ARAP2: variants seen among roughly 807,000 people sequenced by gnomAD.
ARAP2 encodes arf-GAP with Rho-GAP domain, ANK repeat and PH domain-containing protein 2.
Under a neutral mutation model 194.5 loss-of-function variants are expected in ARAP2, and 148 were observed. That is an observed-to-expected ratio of 0.76 (90% CI 0.67 to 0.87). The LOEUF is 0.87. ARAP2 is among the 40% of genes least tolerant of loss of function. The pLI is 0.00. For missense variants in ARAP2, 2,128 were observed against 1,989.7 expected (o/e 1.07, Z -1.32); for synonymous variants, 695 against 683.5 (o/e 1.02, Z -0.26).
chr4:36,100,719 T>A (rs1716646476), intron 27 of ARAP2, among the ~76,000 whole-genome samples: 1 of 152,076 alleles, frequency 6.6e-6, no homozygotes, highest in South Asian at 2.1e-4. Flanking sequence ...AAACTGGGCA[T>A]AATCACTGCT....
chr4:36,059,173 T>C (rs759032687), intron 1 of ARAP2, among the ~76,000 whole-genome samples: 9 of 152,208 alleles, frequency 5.9e-5, no homozygotes, highest in Non-Finnish European at 1.5e-5. Flanking sequence ...ATATTTTAAA[T>C]ATGTATATTC....
chr4:36,241,890 C>A (rs967082653), intron 1 of ARAP2, among the ~76,000 whole-genome samples: 1 of 152,140 alleles, frequency 6.6e-6, no homozygotes, highest in African/African-American at 2.4e-5. Flanking sequence ...TGCTTCAACC[C>A]AAATCAGGCC....
At position 36,229,516 on chromosome 4, in the gene ARAP2, C is replaced by A. The variant is rs1163239655; in HGVS notation, c.-30G>T. Reference sequence around the variant, plus strand: ...GTGGCTTCATTACTAAGCTGAGTTACAAAAAGTGGCACGATGAGACACACA... The same window carrying A: ...GTGGCTTCATTACTAAGCTGAGTTAAAAAAAGTGGCACGATGAGACACACA... On this transcript the variant is annotated 5_prime_UTR_variant, in exon 2 of 33. Transcript: ENST00000303965. 6.5e-7 allele frequency: 1 copy of A among 1,538,556 alleles called. No individual in the cohort carries two copies. The highest frequency in any genetic ancestry group is 8.8e-7 in the Non-Finnish European group (1 of 1,135,664).
At position 36,164,924 on chromosome 4, in the gene ARAP2, C is replaced by T. The variant is rs748371870; in HGVS notation, c.2163G>A (p.Lys721=). 4 of 1,613,912 alleles carry T rather than the reference C, an allele frequency of 2.5e-6. No homozygotes were observed. Among genetic ancestry groups the T allele is most frequent in the African/African-American group, 2.7e-5 (2 of 74,940 alleles). The change falls in exon 11 of 33, where the codon AAG becomes AAA. Residue 721 remains lysine (K), a synonymous_variant. Coordinates refer to ENST00000303965, the MANE Select transcript of ARAP2 (RefSeq NM_015230.4). ...CTTGTCACTAATTACCTGCACACTTCTTACAGATGACAACACAGAGATTGA... is the reference window on the plus strand; with the variant it reads ...CTTGTCACTAATTACCTGCACACTTTTTACAGATGACAACACAGAGATTGA... ...ASINLCVVIC[K]KCAGQHRSLG...
chr4:36,068,139 C>T lies in ARAP2; in HGVS notation c.4883G>A (p.Arg1628Gln), dbSNP rs771641324. The T allele has an allele frequency of 2.0e-5, 33 of 1,614,112 alleles. No individual in the cohort carries two copies. Among genetic ancestry groups the T allele is most frequent in the Admixed American group, 5.0e-5 (3 of 60,008 alleles). The change falls in exon 33 of 33, where the codon CGA (arginine) becomes CAA (glutamine). Residue 1628 changes from arginine (R) to glutamine (Q), a missense_variant. By Grantham distance (43) the Arg-to-Gln change is conservative. Coordinates refer to ENST00000303965, the MANE Select transcript of ARAP2 (RefSeq NM_015230.4). ...HKDDKLRNRP[R>Q]KHRSFNCLED... ...CAGGCAGTTGAAACTCCGATGTTTT[C>T]GGGGTCGATTTCGAAGTTTATCGTC...
At chr4:36,111,851 C>T (rs1033442656) in intron 26 of ARAP2, among the ~76,000 whole-genome samples, 1 of 151,956 alleles carries the variant, frequency 6.6e-6, no homozygotes, top group African/African-American at 2.4e-5. Context: ...GCCAGAGATA[C>T]AGAGCTCCAG....
intron 9 of ARAP2, among the ~76,000 whole-genome samples, chr4:36,010,219 GTA>G (rs1268114512): frequency 2.0e-5 from 3 of 150,314 alleles, no homozygotes; most frequent in African/African-American, 7.3e-5. Flanking sequence ...TTTATATATT[GTA>G]TATGATATAT....
intron 9 of ARAP2, among the ~76,000 whole-genome samples, chr4:36,012,121 A>G (rs1714686071): frequency 6.6e-6 from 1 of 152,212 alleles, no homozygotes; most frequent in African/African-American, 2.4e-5. Flanking sequence ...TGTAAATTAA[A>G]ATGTCTACGA....
At chr4:36,113,108 G>A (rs566634595) in intron 26 of ARAP2, among the ~76,000 whole-genome samples, 1 of 151,848 alleles carries the variant, frequency 6.6e-6, no homozygotes, top group African/African-American at 2.4e-5. Flanking sequence ...AATAAAAAGG[G>A]AATAGTCATT....
intron 24 of ARAP2, among the ~76,000 whole-genome samples, chr4:36,117,511 G>A (rs1440261747): frequency 6.6e-6 from 1 of 151,668 alleles, no homozygotes; most frequent in African/African-American, 2.4e-5. Flanking sequence ...TAAACAAAAT[G>A]AGGGGTGAAA....
intron 2 of ARAP2, among the ~76,000 whole-genome samples, chr4:36,053,763 GA>G (rs1723064785): frequency 6.6e-6 from 1 of 152,178 alleles, no homozygotes; most frequent in Non-Finnish European, 1.5e-5. Context: ...CTCGGGGAGT[GA>G]ATTAGGTAAC....
chr4:36,208,617 A>C (rs1252175289), intron 6 of ARAP2, among the ~76,000 whole-genome samples: 1 of 152,198 alleles, frequency 6.6e-6, no homozygotes, highest in African/African-American at 2.4e-5. Flanking sequence ...TGAACATCTT[A>C]AACCCTCACA....
In ARAP2 at chr4:36,128,745, C is replaced by G; in HGVS notation, c.3428G>C (p.Gly1143Ala). Residue 1143 changes from glycine to alanine, a missense_variant and splice_region_variant, in exon 21 of 33, where the codon GGT (glycine) becomes GCT (alanine). Coordinates refer to ENST00000303965, the MANE Select transcript of ARAP2 (RefSeq NM_015230.4). The part of the protein sequence containing the change: ...NSCIAFVTQY[G>A]LGCKYIYQKN... ...TTGATAGATATATTTGCATCCTAAA[C>G]CTTTGTTTAAAAAAAAAAAGTTATA... The G allele has an allele frequency of 6.8e-7, 1 of 1,468,030 alleles. No individual in the cohort carries two copies. Among genetic ancestry groups the G allele is most frequent in the Non-Finnish European group, 8.9e-7 (1 of 1,117,642 alleles). The allele number at this position is 1,468,030 out of a possible 1,614,324, so 90.9% of individuals were successfully genotyped here. A position where few individuals can be genotyped will look rare whatever the true frequency, so the allele number is the denominator to read the frequency against.
At chr4:36,176,945 T>C (rs536209825) in intron 9 of ARAP2, among the ~76,000 whole-genome samples, 1 of 152,186 alleles carries the variant, frequency 6.6e-6, no homozygotes, top group Non-Finnish European at 1.5e-5. Context: ...AATGAGTTCA[T>C]CTTAGATCAG....
intron 28 of ARAP2, among the ~76,000 whole-genome samples, chr4:36,091,146 A>T (rs1986562840): frequency 1.3e-5 from 2 of 152,160 alleles, no homozygotes; most frequent in South Asian, 2.1e-4. Context: ...ATATAAAAAA[A>T]ATCATATATT....
At chr4:36,153,652 C>T (rs1312254613) in intron 15 of ARAP2, among the ~76,000 whole-genome samples, 3 of 152,136 alleles carry the variant, frequency 2.0e-5, no homozygotes, top group African/African-American at 7.2e-5. Flanking sequence ...GTAAAGAACT[C>T]CCCAGAGGTG....
chr4:36,178,459 A>G (rs1271198786), intron 8 of ARAP2, among the ~76,000 whole-genome samples: 10 of 152,192 alleles, frequency 6.6e-5, no homozygotes, highest in Admixed American at 5.9e-4. Flanking sequence ...CGAAAATCCT[A>G]CTTCCAATCA....
At chr4:36,143,528 T>A (rs1421617617) in intron 19 of ARAP2, among the ~76,000 whole-genome samples, 2 of 151,682 alleles carry the variant, frequency 1.3e-5, no homozygotes, top group Non-Finnish European at 3.0e-5. Context: ...TTTTCCTCAA[T>A]ACCATATAGG....
At chr4:36,018,780 A>G (rs1166092205) in intron 6 of ARAP2, among the ~76,000 whole-genome samples, 1 of 152,202 alleles carries the variant, frequency 6.6e-6, no homozygotes, top group African/African-American at 2.4e-5. Flanking sequence ...CTGGTCATTC[A>G]CATATAAACA....
Sources: allele counts gnomAD v4.1 joint callset (sites outside exome capture counted in the v4.1 genomes callset), GRCh38; gene constraint gnomAD v4.1.1; transcripts MANE v1.5; gene names NCBI Gene and HGNC (gene_info 2026-07-23, HGNC 2026-07-21).